The following NPIPA5 variants were observed in gnomAD, a reference collection of about 807,000 sequenced individuals.
The protein encoded by NPIPA5 is nuclear pore complex-interacting protein family member A5.
Under a neutral mutation model 21.4 loss-of-function variants are expected in NPIPA5, and 6 were observed. That is an observed-to-expected ratio of 0.28 (90% CI 0.15 to 0.55). NPIPA5 has a LOEUF of 0.55. NPIPA5 is among the 20% of genes least tolerant of loss of function. NPIPA5 has a pLI of 0.93. For synonymous variants in NPIPA5, 33 were observed against 115.3 expected (o/e 0.29, Z 4.57); for missense variants, 99 against 318.2 (o/e 0.31, Z 5.24).
chr16:15,377,651 A>AAGGGG (rs2050338984), intron 1 of NPIPA5, among the ~76,000 whole-genome samples: 1 of 65,424 alleles, frequency 1.5e-5, no homozygotes, highest in African/African-American at 6.6e-5. Flanking sequence ...GGGGGAGGGG[A>AAGGGG]AGGGGAAGGG....
At chr16:15,376,507 A>C (rs2050297305) in intron 1 of NPIPA5, among the ~76,000 whole-genome samples, 1 of 149,580 alleles carries the variant, frequency 6.7e-6, no homozygotes, top group Non-Finnish European at 1.5e-5. Context: ...CAGCCTCAGC[A>C]ACAAGGGAGA....
chr16:15,371,892 A>C (rs1283788583), intron 2 of NPIPA5, among the ~76,000 whole-genome samples: 1 of 145,394 alleles, frequency 6.9e-6, no homozygotes, highest in African/African-American at 2.5e-5. Flanking sequence ...CTAGGATTTC[A>C]AGAGAAGCAA....
chr16:15,369,029 C>A (rs1164220215), intron 4 of NPIPA5, among the ~76,000 whole-genome samples: 1 of 143,380 alleles, frequency 7.0e-6, no homozygotes, highest in South Asian at 2.3e-4. Context: ...GTGGCACACA[C>A]CTGTAATCCA....
At chr16:15,367,505 G>A (rs1396168627) in intron 4 of NPIPA5, among the ~76,000 whole-genome samples, 1 of 151,936 alleles carries the variant, frequency 6.6e-6, no homozygotes, top group Admixed American at 6.6e-5. Flanking sequence ...CAGAGATTGA[G>A]GGCAGAAAAA....
Position 15,366,800 on chromosome 16 carries a change from C to G in NPIPA5, c.438-40G>C, listed in dbSNP as rs74774801. 4.0e-6 allele frequency: 6 copies of G among 1,494,722 alleles called. No homozygotes were observed. The African/African-American group carries it at 8.5e-5, about 21-fold the overall frequency. 92.6% of individuals were successfully genotyped at this position (1,494,722 alleles called of 1,614,324 possible). On this transcript the variant is annotated intron_variant, in intron 4 of 7. Transcript: ENST00000360151. ...AATGCACACACATGATCCACCAGCC[C>G]GTGTGGGATTCCCTCTGCCCTTCTG... is the stretch of plus-strand genomic sequence containing the variant.
chr16:15,376,442 C>T (rs1488748148), intron 1 of NPIPA5, among the ~76,000 whole-genome samples: 1 of 149,226 alleles, frequency 6.7e-6, no homozygotes, highest in Non-Finnish European at 1.5e-5. Flanking sequence ...GCAGGAGAAT[C>T]GCTCGAACCT....
At chr16:15,377,541 T>G (rs2445647) in intron 1 of NPIPA5, among the ~76,000 whole-genome samples, 173 of 135,292 alleles carry the variant, frequency 1.3e-3, no homozygotes, top group African/African-American at 4.3e-3. Flanking sequence ...CTTTCAGGGC[T>G]CCCTGAGGCA....
At chr16:15,369,210 C>G (rs965260728) in intron 4 of NPIPA5, among the ~76,000 whole-genome samples, 1 of 145,654 alleles carries the variant, frequency 6.9e-6, no homozygotes, top group African/African-American at 2.5e-5. Context: ...AATCCCAGCA[C>G]TTTGGGAGGC....
At chr16:15,368,074 C>T (rs1269703591) in intron 4 of NPIPA5, among the ~76,000 whole-genome samples, 3 of 102,162 alleles carry the variant, frequency 2.9e-5, no homozygotes, top group Non-Finnish European at 4.0e-5. Context: ...AAACCCAGGA[C>T]GAAAGTCAGC....
Sources: gnomAD v4.1 joint callset for allele counts (sites outside exome capture counted in the v4.1 genomes callset) on GRCh38, gnomAD v4.1.1 for gene constraint, MANE v1.5 for transcripts, NCBI Gene and HGNC (gene_info 2026-07-23, HGNC 2026-07-21) for gene names.